Variants in ADCY8 observed in about 807,000 individuals in gnomAD.
The protein encoded by ADCY8 is adenylate cyclase 8.
Under a neutral mutation model 119.7 loss-of-function variants are expected in ADCY8, and 51 were observed. That is an observed-to-expected ratio of 0.43 (90% CI 0.34 to 0.54). The LOEUF is 0.54. Among genes scored for constraint, ADCY8 ranks in the 20% least tolerant of loss-of-function variants. The pLI is 0.03. For missense variants in ADCY8, 1,383 were observed against 1,598.8 expected (o/e 0.87, Z 2.30); for synonymous variants, 665 against 651.0 (o/e 1.02, Z -0.33).
chr8:130,781,588 A>G (rs1815080995), intron 17 of ADCY8, among the ~76,000 whole-genome samples: 1 of 152,150 alleles, frequency 6.6e-6, no homozygotes, highest in African/African-American at 2.4e-5. Context: ...AGCCTCATTT[A>G]TCCCACTCTC....
chr8:130,992,010 C>T (rs947445080), intron 1 of ADCY8, among the ~76,000 whole-genome samples: 3 of 150,898 alleles, frequency 2.0e-5, no homozygotes, highest in African/African-American at 7.3e-5. Context: ...TGGAAATAGG[C>T]CAATAGAATA....
At chr8:130,995,931 C>G (rs1202023072) in intron 1 of ADCY8, among the ~76,000 whole-genome samples, 1 of 152,098 alleles carries the variant, frequency 6.6e-6, no homozygotes, top group Non-Finnish European at 1.5e-5. Flanking sequence ...GCATCCAGCA[C>G]AGTAAATAAA....
intron 14 of ADCY8, among the ~76,000 whole-genome samples, chr8:130,801,364 G>A (rs1340266353): frequency 6.6e-6 from 1 of 152,012 alleles, no homozygotes; most frequent in Non-Finnish European, 1.5e-5. Context: ...AGACTTGCCT[G>A]TTATTCATTT....
intron 14 of ADCY8, among the ~76,000 whole-genome samples, chr8:130,810,217 G>A (rs1279003230): frequency 6.6e-6 from 1 of 151,920 alleles, no homozygotes; most frequent in Non-Finnish European, 1.5e-5. Flanking sequence ...AGCAAGAGGA[G>A]AAACTAAAAA....
At position 130,951,236 on chromosome 8, in the gene ADCY8, A is replaced by G. The variant is rs1027821157; in HGVS notation, c.1241+632T>C. ...GTAAATAAATTTCCCAAGATCACAA[A>G]CAAGGAATAGGCAGAATTGGGATTT... On this transcript the variant is annotated intron_variant, in intron 3 of 17. Coordinates refer to ENST00000286355, the MANE Select transcript of ADCY8 (RefSeq NM_001115.3). Among the ~76,000 whole-genome samples, 3 of 152,232 alleles carry G rather than the reference A, an allele frequency of 2.0e-5. No individual in the cohort carries two copies. The East Asian group carries it at 5.8e-4, about 29-fold the overall frequency.
intron 8 of ADCY8, among the ~76,000 whole-genome samples, chr8:130,870,460 C>T (rs995644391): frequency 7.2e-5 from 11 of 152,168 alleles, no homozygotes; most frequent in African/African-American, 2.7e-4. Context: ...GATGTCTCCT[C>T]AAATGTCTGT....
At chr8:130,942,155 G>A (rs1820975087) in intron 4 of ADCY8, among the ~76,000 whole-genome samples, 1 of 152,132 alleles carries the variant, frequency 6.6e-6, no homozygotes, top group South Asian at 2.1e-4. Flanking sequence ...TCTTGTAAAT[G>A]GAGTCATAAA....
chr8:130,849,190 G>C (rs1817431763), intron 10 of ADCY8, among the ~76,000 whole-genome samples: 1 of 152,140 alleles, frequency 6.6e-6, no homozygotes, highest in South Asian at 2.1e-4. Context: ...CAGCCATAAA[G>C]TGGGGATAAT....
At chr8:130,818,486 T>A (rs956020473) in intron 13 of ADCY8, among the ~76,000 whole-genome samples, 1 of 152,200 alleles carries the variant, frequency 6.6e-6, no homozygotes, top group Non-Finnish European at 1.5e-5. Flanking sequence ...GAGGAGGAAG[T>A]GTTTGGCATG....
At chr8:130,786,618 TA>T (rs1815255735) in intron 15 of ADCY8, among the ~76,000 whole-genome samples, 1 of 152,212 alleles carries the variant, frequency 6.6e-6, no homozygotes, top group South Asian at 2.1e-4. Flanking sequence ...AGTAGGAAAT[TA>T]ATACAGTAAC....
chr8:130,882,028 C>T (rs1451092791), intron 8 of ADCY8, among the ~76,000 whole-genome samples: 1 of 151,878 alleles, frequency 6.6e-6, no homozygotes, highest in Non-Finnish European at 1.5e-5. Context: ...AGCCCCTCAG[C>T]CCCCCATATC....
intron 1 of ADCY8, among the ~76,000 whole-genome samples, chr8:131,038,974 C>T (rs1490293810): frequency 6.6e-6 from 1 of 152,148 alleles, no homozygotes; most frequent in Admixed American, 6.5e-5. Context: ...TGCTACAACA[C>T]CCTGCTGCGA....
chr8:130,854,994 T>C (rs1007011380), intron 9 of ADCY8, among the ~76,000 whole-genome samples: 9 of 150,624 alleles, frequency 6.0e-5, no homozygotes, highest in Admixed American at 2.0e-4. Flanking sequence ...GATACATTGT[T>C]CTATAGTCCC....
chr8:130,813,771 A>G lies in ADCY8; in HGVS notation c.2913+298T>C, dbSNP rs1301201550. On this transcript the variant is annotated intron_variant, in intron 14 of 17. Coordinates refer to ENST00000286355, the MANE Select transcript of ADCY8 (RefSeq NM_001115.3). ...AAGTGAAATTGTTGTGTATATATAC[A>G]TACATACGTACATACACATACATAT... Among the ~76,000 whole-genome samples, 3 of 152,204 alleles carry G rather than the reference A, an allele frequency of 2.0e-5. No homozygotes were observed. The East Asian group carries it at 5.8e-4, about 29-fold the overall frequency.
At chr8:130,981,196 C>A (rs911007647) in intron 2 of ADCY8, among the ~76,000 whole-genome samples, 2 of 152,154 alleles carry the variant, frequency 1.3e-5, no homozygotes, top group African/African-American at 4.8e-5. Flanking sequence ...GATGGTTTTA[C>A]ACCAAGATAG....
At chr8:131,021,862 T>C (rs1281015057) in intron 1 of ADCY8, among the ~76,000 whole-genome samples, 1 of 152,192 alleles carries the variant, frequency 6.6e-6, no homozygotes, top group Non-Finnish European at 1.5e-5. Flanking sequence ...GGTATGTCCT[T>C]ATAGCTGTGT....
intron 9 of ADCY8, among the ~76,000 whole-genome samples, chr8:130,853,884 A>G (rs1277138670): frequency 1.3e-5 from 2 of 152,198 alleles, no homozygotes. Context: ...TTACTTTTTA[A>G]TCTGTAAAAC....
chr8:131,025,921 A>G (rs1361349710), intron 1 of ADCY8, among the ~76,000 whole-genome samples: 1 of 152,240 alleles, frequency 6.6e-6, no homozygotes, highest in Non-Finnish European at 1.5e-5. Context: ...TGATTATTTG[A>G]TGGATGACTG....
At chr8:131,012,259 T>A (rs1823331012) in intron 1 of ADCY8, among the ~76,000 whole-genome samples, 1 of 152,124 alleles carries the variant, frequency 6.6e-6, no homozygotes, top group East Asian at 1.9e-4. Flanking sequence ...GAGGAAGTCA[T>A]GGTGACCAGA....
Sources: gnomAD v4.1 joint callset for allele counts (sites outside exome capture counted in the v4.1 genomes callset) on GRCh38, gnomAD v4.1.1 for gene constraint, MANE v1.5 for transcripts, NCBI Gene and HGNC (gene_info 2026-07-23, HGNC 2026-07-21) for gene names.